The following MAP4K2 variants were observed in gnomAD, a reference collection of about 807,000 sequenced individuals.
MAP4K2 encodes B lymphocyte serine/threonine protein kinase.
Under a neutral mutation model 125.3 loss-of-function variants are expected in MAP4K2, and 85 were observed. The ratio of observed to expected loss-of-function variants is 0.68; its 90% CI spans 0.57 to 0.81. The LOEUF (loss-of-function observed/expected upper bound fraction) is 0.81. Ranked by LOEUF, MAP4K2 falls within the 40% of genes least tolerant of loss-of-function variation. MAP4K2 has a pLI of 0.00. For missense variants in MAP4K2, 923 were observed against 1,056.4 expected, an observed-to-expected ratio of 0.87 and a Z score of 1.75; for synonymous variants, 479 against 445.1, an observed-to-expected ratio of 1.08 and a Z score of -0.96.
rs1246012911 is a variant in MAP4K2 at position 64,789,615 on chromosome 11, G to A, written c.2385C>T (p.Ile795=). ...GGTTGTCAGTGGGAATGCTCTCCAG[G>A]ATGATGTCTCTGGAGGAGAGAGGAG... ...FRVLGAHRDI[I]LESIPTDNPE... is the part of the protein sequence containing the mutation. Residue 795 remains isoleucine, a synonymous_variant, in exon 32 of 32, where the codon ATC becomes ATT. Transcript: ENST00000294066. 1 of 1,609,542 alleles carries A rather than the reference G, an allele frequency of 6.2e-7. No individual in the cohort carries two copies. Among genetic ancestry groups the A allele is most frequent in the Non-Finnish European group, 8.5e-7 (1 of 1,177,930 alleles).
Position 64,800,054 on chromosome 11 carries a change from G to A in MAP4K2, c.915+55C>T, listed in dbSNP as rs933979990. ...AAGGACCTCCACCAACATCACCCTC[G>A]GGCTCTTTCTAAGCAGACCAGCCCA... On this transcript the variant is annotated intron_variant, in intron 12 of 31. Transcript: ENST00000294066. 2.5e-5 allele frequency: 36 copies of A among 1,414,578 alleles called. No homozygotes were observed. In the East Asian group the frequency reaches 2.7e-4, roughly 11 times the overall value. 87.6% of individuals were successfully genotyped at this position (1,414,578 alleles called of 1,614,324 possible).
At chr11:64,794,519 C>G (rs1366652354) in intron 24 of MAP4K2, among the ~76,000 whole-genome samples, 4 of 152,040 alleles carry the variant, frequency 2.6e-5, no homozygotes, top group African/African-American at 9.7e-5. Flanking sequence ...GCCACCATGC[C>G]CGGCTAATTT....
intron 14 of MAP4K2, among the ~76,000 whole-genome samples, chr11:64,799,061 G>A (rs376464527): frequency 6.6e-6 from 1 of 152,338 alleles, no homozygotes; most frequent in Admixed American, 6.5e-5. Context: ...TGGGGGGTGA[G>A]GAGAGACCAG....
At position 64,791,930 on chromosome 11, in the gene MAP4K2, G is replaced by A. The variant is rs201927418; in HGVS notation, c.2071C>T (p.Pro691Ser). 420 of 1,597,284 alleles carry A rather than the reference G, an allele frequency of 2.6e-4. 1 individual carries two copies. Among genetic ancestry groups the A allele is most frequent in the Middle Eastern group, 1.5e-3 (9 of 5,994 alleles). ...TCACCAGGTGGGATGAGGATGTCGG[G>A]CGTCAGGCCAGCCTCCAGGGGCAGG... ...HVLPLEAGLT[P>S]DILIPPEGIP... Residue 691 changes from proline (P) to serine (S), a missense_variant, in exon 27 of 32, where the codon CCC becomes TCC. Pro to Ser is a moderately conservative substitution (Grantham distance 74). This residue lies in a region of MAP4K2 where 833 missense variants were observed against 911.4 expected (regional missense o/e 0.91). Transcript: ENST00000294066.
chr11:64,797,733 T>G (rs1392162481), intron 15 of MAP4K2, 69 bp from the exon 16 acceptor site: 11 of 1,307,190 alleles, frequency 8.4e-6, no homozygotes, highest in Non-Finnish European at 1.1e-5. Flanking sequence ...TGAGACGGAG[T>G]CTCGCTCTGT....
chr11:64,802,247 G>T, intron 4 of MAP4K2, 126 bp from the exon 5 acceptor site: 1 of 1,081,690 alleles, frequency 9.2e-7, no homozygotes, highest in Non-Finnish European at 1.4e-6. Context: ...TCCCCTCCCA[G>T]TTTAGTCTAG....
rs1465666010 is a variant in MAP4K2 at position 64,799,680 on chromosome 11, A to G, written c.919T>C (p.Tyr307His). 1 of 1,613,596 alleles carries G rather than the reference A, an allele frequency of 6.2e-7. No homozygotes were observed. Among genetic ancestry groups the G allele is most frequent in the Non-Finnish European group, 8.5e-7 (1 of 1,179,896 alleles). ...PSPEDCELET[Y>H]DMFPDTIHSR... is the part of the protein sequence containing the mutation. ...TGAATGGTGTCTGGAAACATGTCAT[A>G]GGTCTAAGGAAAAACAGAAACAGTG... Residue 307 changes from tyrosine to histidine, a missense_variant, in exon 13 of 32, where the codon TAT becomes CAT. Around this residue, in one of 2 missense-constraint regions of MAP4K2, gnomAD observed 833 missense variants for 911.4 expected, o/e 0.91. Transcript: ENST00000294066.
rs775086112 is a variant in MAP4K2, at chr11:64,790,344, G to A, written c.2161+50C>T. 1.6e-5 allele frequency: 25 copies of A among 1,612,878 alleles called. 2 individuals carry two copies. In the Middle Eastern group the frequency reaches 2.0e-3, roughly 128 times the overall value. On this transcript the variant is annotated intron_variant, in intron 28 of 31. Transcript: ENST00000294066. ...TCTGGGAAGGCAGACCCACGTGGTC[G>A]CCTTACCTCCATAGTCCCCTGCCCT...
chr11:64,802,510 C>A, intron 3 of MAP4K2, 27 bp from the exon 4 acceptor site: 1 of 1,559,572 alleles, frequency 6.4e-7, no homozygotes, highest in South Asian at 1.2e-5. Context: ...GGGGTGGGCA[C>A]AAAGCAGGTC....
At position 64,801,691 on chromosome 11, in the gene MAP4K2, C is replaced by A; in HGVS notation, c.414+19G>T. On this transcript the variant is annotated intron_variant, in intron 6 of 31. Transcript: ENST00000294066. The stretch of plus-strand genomic sequence containing the variant: ...GCCTCCTCCTCCCTCCCCAGGAGTG[C>A]CCCCAGCTAGGTGCCTACCTTGATG... 6.2e-7 allele frequency: 1 copy of A among 1,613,800 alleles called. No homozygotes were observed. Among genetic ancestry groups the A allele is most frequent in the Non-Finnish European group, 8.5e-7 (1 of 1,179,844 alleles).
chr11:64,801,433 G>A, intron 7 of MAP4K2, 146 bp downstream of exon 7: 1 of 976,844 alleles, frequency 1.0e-6, no homozygotes, highest in East Asian at 2.6e-5. Context: ...TTCCAGCAGG[G>A]AGGGAGTACC....
In MAP4K2 at chr11:64,797,619, C is replaced by T. The variant is rs1054437884; in HGVS notation, c.1136+7G>A. 7 of 1,581,616 alleles carry T rather than the reference C, an allele frequency of 4.4e-6. No individual in the cohort carries two copies. Among genetic ancestry groups the T allele is most frequent in the Non-Finnish European group, 6.0e-6 (7 of 1,162,822 alleles). On this transcript the variant is annotated splice_region_variant and intron_variant, in intron 16 of 31. Coordinates refer to ENST00000294066, the MANE Select transcript of MAP4K2 (RefSeq NM_004579.5). ...CCTTGCCCCTCCCCCAGGCCCACAT[C>T]CCTCACCTTTCCTCCAGGGCCTCCT...
intron 15 of MAP4K2, among the ~76,000 whole-genome samples, chr11:64,798,486 G>C (rs1299237514): frequency 6.6e-6 from 1 of 152,154 alleles, no homozygotes; most frequent in Non-Finnish European, 1.5e-5. Context: ...TTTAAGTAGA[G>C]ATGGGGTTTC....
chr11:64,786,900 TAAA>T lies in MAP4K2; in HGVS notation c.*2634_*2636del, dbSNP rs5792334. The T allele has an allele frequency of 1.4e-5, 2 of 146,556 alleles. No homozygotes were observed. The highest frequency in any genetic ancestry group is 5.0e-5 in the African/African-American group (2 of 40,134). 9.1% of individuals were successfully genotyped at this position (146,556 alleles called of 1,614,324 possible). A position where few individuals can be genotyped will look rare whatever the true frequency, so the allele number is the denominator to read the frequency against. On this transcript the variant is annotated 3_prime_UTR_variant, in exon 32 of 32. Coordinates refer to ENST00000294066, the MANE Select transcript of MAP4K2 (RefSeq NM_004579.5). ...ATACACAATGGAATACCACTAGCTG[TAAA>T]AAAAAAAAAATTTTTTTTTAAAGGG...
Position 64,800,236 on chromosome 11 carries a change from G to C in MAP4K2, c.808-20C>G. ...CGGGTGCTGGAAAGTGGGGGAGGGG[G>C]GTGATCAGGTTGGCCCCTGATCCAG... is the stretch of plus-strand genomic sequence containing the variant. On this transcript the variant is annotated intron_variant, in intron 11 of 31. Coordinates refer to ENST00000294066, the MANE Select transcript of MAP4K2 (RefSeq NM_004579.5). 6.2e-7 allele frequency: 1 copy of C among 1,611,550 alleles called. No homozygotes were observed. The highest frequency in any genetic ancestry group is 8.5e-7 in the Non-Finnish European group (1 of 1,178,868).
chr11:64,792,287 G>T lies in MAP4K2; in HGVS notation c.1811-12C>A. The T allele has an allele frequency of 6.2e-7, 1 of 1,604,562 alleles. No individual in the cohort carries two copies. The highest frequency in any genetic ancestry group is 8.5e-7 in the Non-Finnish European group (1 of 1,176,034). On this transcript the variant is annotated splice_polypyrimidine_tract_variant and intron_variant, in intron 25 of 31. Coordinates refer to ENST00000294066, the MANE Select transcript of MAP4K2 (RefSeq NM_004579.5). ...GTAGGGGTTCCGCACTGGCAGGGGA[G>T]CAGGCAGTGGGCACCGGGCTGGGCC...
Position 64,790,230 on chromosome 11 carries a change from G to C in MAP4K2, c.2206C>G (p.Leu736Val), listed in dbSNP as rs143967615. The C allele has an allele frequency of 7.9e-5, 128 of 1,614,110 alleles. No homozygotes were observed. The highest frequency in any genetic ancestry group is 1.0e-4 in the Non-Finnish European group (121 of 1,180,040). Residue 736 changes from leucine (L) to valine (V), a missense_variant, in exon 29 of 32, where the codon CTG becomes GTG. Leu to Val is a conservative substitution (Grantham distance 32). Transcript: ENST00000294066. ...VNMQGEPTATLAPELTFDFPI... is the reference protein window; with the variant it reads ...VNMQGEPTATVAPELTFDFPI... ...AAATCAAAGGTCAGCTCAGGTGCCA[G>C]TGTGGCCGTGGGCTCGCCCTGCATG...
At chr11:64,800,725 A>G in intron 10 of MAP4K2, 39 bp downstream of exon 10, 1 of 1,570,680 alleles carries the variant, frequency 6.4e-7, no homozygotes, top group Non-Finnish European at 8.6e-7. Flanking sequence ...TATGGGGCTG[A>G]CAGAAAAGGG....
At position 64,799,615 on chromosome 11, in the gene MAP4K2, C is replaced by G; in HGVS notation, c.984G>C (p.Ser328=). 6.2e-7 allele frequency: 1 copy of G among 1,614,036 alleles called. No homozygotes were observed. Among genetic ancestry groups the G allele is most frequent in the South Asian group, 1.1e-5 (1 of 91,074 alleles). The part of the protein sequence containing the change: ...GQHGPAERTP[S]EIQFHQVKFG... The stretch of plus-strand genomic sequence containing the variant: ...CTGCTGCAGACTCACACTGGATCTC[C>G]GAGGGGGTCCTCTCGGCTGGGCCGT... Residue 328 remains serine, a synonymous_variant, in exon 13 of 32, where the codon TCG becomes TCC. Transcript: ENST00000294066.
Sources: gnomAD v4.1 joint callset for allele counts (sites outside exome capture counted in the v4.1 genomes callset) on GRCh38, gnomAD v4.1.1 for gene constraint, gnomAD v4.1.1 regional missense constraint, MANE v1.5 for transcripts, NCBI Gene and HGNC (gene_info 2026-07-23, HGNC 2026-07-21) for gene names.